Variants in ZMAT5 observed in about 807,000 individuals in gnomAD.
ZMAT5 encodes the protein zinc finger matrin-type 5, also known as zinc finger matrin-type protein 5.
ZMAT5 carries 23 observed loss-of-function variants against 28.0 expected under a neutral mutation model. That is an observed-to-expected ratio of 0.82 (90% CI 0.59 to 1.16). ZMAT5 has a LOEUF of 1.16. Ranked by LOEUF, ZMAT5 falls within the 50% of genes most tolerant of loss-of-function variation. ZMAT5 has a pLI of 0.00. For synonymous variants in ZMAT5, 76 were observed against 84.1 expected (o/e 0.90, Z 0.52); for missense variants, 173 against 212.7 (o/e 0.81, Z 1.16).
At chr22:29,734,817 G>A (rs1347033192) in intron 5 of ZMAT5, among the ~76,000 whole-genome samples, 1 of 130,242 alleles carries the variant, frequency 7.7e-6, no homozygotes, top group East Asian at 2.3e-4. Context: ...AGGCATCAGG[G>A]AGGGTCCCCC....
chr22:29,739,550 T>G (rs1363312492), intron 4 of ZMAT5, among the ~76,000 whole-genome samples: 2 of 152,222 alleles, frequency 1.3e-5, no homozygotes, highest in African/African-American at 4.8e-5. Flanking sequence ...ACAGAGGACG[T>G]GGCAGAGCTG....
At chr22:29,761,125 T>C (rs993429924) in intron 1 of ZMAT5, among the ~76,000 whole-genome samples, 3 of 151,142 alleles carry the variant, frequency 2.0e-5, no homozygotes, top group African/African-American at 4.9e-5. Flanking sequence ...ATATAAAAAT[T>C]AGCTGGGCGT....
At chr22:29,749,900 G>A (rs956006010) in intron 1 of ZMAT5, among the ~76,000 whole-genome samples, 1 of 152,160 alleles carries the variant, frequency 6.6e-6, no homozygotes, top group Non-Finnish European at 1.5e-5. Context: ...TGCCATGATT[G>A]TAAGTTTCCT....
intron 5 of ZMAT5, among the ~76,000 whole-genome samples, chr22:29,735,125 T>G (rs2067892294): frequency 1.3e-5 from 2 of 150,838 alleles, no homozygotes; most frequent in Non-Finnish European, 3.0e-5. Context: ...GGGTAGGGGG[T>G]GTGGATGCAG....
At chr22:29,757,662 G>A (rs1260089308) in intron 1 of ZMAT5, among the ~76,000 whole-genome samples, 2 of 152,164 alleles carry the variant, frequency 1.3e-5, no homozygotes, top group Non-Finnish European at 2.9e-5. Flanking sequence ...GTCAGGGTTG[G>A]TCTATGTGAC....
rs115257726 is a variant in ZMAT5 at position 29,759,431 on chromosome 22, C to T, written c.-28+7441G>A. Among the ~76,000 whole-genome samples the T allele has an allele frequency of 4.3e-3, 649 of 152,202 alleles. 5 individuals carry two copies. Among genetic ancestry groups the T allele is most frequent in the African/African-American group, 0.015 (604 of 41,500 alleles). Reference sequence around the variant, plus strand: ...ATCAGATCAACTCTCCTTAAATCATCCCTGCTCAAAATTTTCCATGGCTTC... The same window carrying T: ...ATCAGATCAACTCTCCTTAAATCATTCCTGCTCAAAATTTTCCATGGCTTC... On this transcript the variant is annotated intron_variant, in intron 1 of 5. Coordinates refer to ENST00000344318, the MANE Select transcript of ZMAT5 (RefSeq NM_001003692.2).
At chr22:29,743,792 A>G (rs1456433768) in intron 2 of ZMAT5, among the ~76,000 whole-genome samples, 2 of 152,142 alleles carry the variant, frequency 1.3e-5, no homozygotes, top group Admixed American at 6.6e-5. Context: ...GCAAGCTATT[A>G]ATCAGTCAAA....
intron 1 of ZMAT5, among the ~76,000 whole-genome samples, chr22:29,751,851 C>T (rs903435384): frequency 6.6e-5 from 10 of 152,042 alleles, no homozygotes; most frequent in African/African-American, 2.4e-4. Context: ...CCTGTATTCC[C>T]AGCTACTCAG....
chr22:29,736,518 G>A (rs2067905627), intron 5 of ZMAT5, among the ~76,000 whole-genome samples: 1 of 151,754 alleles, frequency 6.6e-6, no homozygotes, highest in Non-Finnish European at 1.5e-5. Flanking sequence ...TCAGGAGTTC[G>A]AGACCAGCCT....
At chr22:29,754,017 T>C (rs1322376717) in intron 1 of ZMAT5, among the ~76,000 whole-genome samples, 1 of 151,312 alleles carries the variant, frequency 6.6e-6, no homozygotes, top group East Asian at 2.0e-4. Flanking sequence ...CCGGCTGGAG[T>C]TCAGCTCCAG....
At chr22:29,765,026 C>T (rs2068193438) in intron 1 of ZMAT5, among the ~76,000 whole-genome samples, 1 of 152,198 alleles carries the variant, frequency 6.6e-6, no homozygotes, top group Admixed American at 6.5e-5. Context: ...CCTCATTTGC[C>T]TCTAGACACC....
intron 1 of ZMAT5, among the ~76,000 whole-genome samples, chr22:29,762,530 C>G (rs574403022): frequency 6.6e-6 from 1 of 152,168 alleles, no homozygotes; most frequent in Non-Finnish European, 1.5e-5. Flanking sequence ...CATAGGAGCA[C>G]GAATCCTATT....
chr22:29,751,192 G>C (rs944081801), intron 1 of ZMAT5, among the ~76,000 whole-genome samples: 8 of 152,130 alleles, frequency 5.3e-5, no homozygotes, highest in African/African-American at 1.2e-4. Flanking sequence ...GGACAGGGAG[G>C]GTGGTTCTCT....
chr22:29,762,473 C>T (rs979289823), intron 1 of ZMAT5, among the ~76,000 whole-genome samples: 7 of 152,222 alleles, frequency 4.6e-5, no homozygotes, highest in Non-Finnish European at 8.8e-5. Context: ...GCTCGCATTA[C>T]CGCCTGAGCT....
intron 1 of ZMAT5, among the ~76,000 whole-genome samples, chr22:29,760,879 G>A (rs1438850577): frequency 6.6e-6 from 1 of 152,098 alleles, no homozygotes; most frequent in Non-Finnish European, 1.5e-5. Flanking sequence ...TCACACTCCT[G>A]GAAAGTTTAG....
intron 4 of ZMAT5, among the ~76,000 whole-genome samples, chr22:29,739,110 C>G (rs1356232776): frequency 6.6e-6 from 1 of 152,140 alleles, no homozygotes; most frequent in African/African-American, 2.4e-5. Context: ...CACATCTCAG[C>G]TCTGTCACCT....
At position 29,731,281 on chromosome 22, in the gene ZMAT5, G is replaced by C. The variant is rs1285461485; in HGVS notation, c.457C>G (p.Leu153Val). ...CACCCCCCAGGTGGGGGTGCCCGCA[G>C]GGATGGAGGCAGCTCCTGAACTGGT... is the stretch of plus-strand genomic sequence containing the variant. ...WPPVQELPPS[L>V]RAPPPGGWPL... Residue 153 changes from leucine (L) to valine (V), a missense_variant, in exon 6 of 6, where the codon CTG (leucine) becomes GTG (valine). Coordinates refer to ENST00000344318, the MANE Select transcript of ZMAT5 (RefSeq NM_001003692.2). 1.3e-6 allele frequency: 2 copies of C among 1,522,166 alleles called. No individual in the cohort carries two copies. Among genetic ancestry groups the C allele is most frequent in the Non-Finnish European group, 1.7e-6 (2 of 1,148,036 alleles). The allele number at this position is 1,522,166 out of a possible 1,614,324, so 94.3% of individuals were successfully genotyped here. A position where few individuals can be genotyped will look rare whatever the true frequency, so the allele number is the denominator to read the frequency against.
intron 4 of ZMAT5, among the ~76,000 whole-genome samples, chr22:29,739,439 G>C (rs978879722): frequency 5.3e-5 from 8 of 152,162 alleles, no homozygotes; most frequent in African/African-American, 1.7e-4. Context: ...GCTCACTTGG[G>C]GCCGGGCCCT....
chr22:29,765,817 G>A (rs551758751), intron 1 of ZMAT5, among the ~76,000 whole-genome samples: 1 of 152,262 alleles, frequency 6.6e-6, no homozygotes, highest in Admixed American at 6.5e-5. Context: ...GCAGTAAGCC[G>A]AGATAGCACC....
Sources: allele counts gnomAD v4.1 joint callset (sites outside exome capture counted in the v4.1 genomes callset), GRCh38; gene constraint gnomAD v4.1.1; transcripts MANE v1.5; gene names NCBI Gene and HGNC (gene_info 2026-07-23, HGNC 2026-07-21).